Variants in SULF2 observed in about 807,000 individuals in gnomAD.
The protein encoded by SULF2 is sulfatase 2, also known as extracellular sulfatase Sulf-2.
SULF2 carries 52 observed loss-of-function variants against 107.7 expected under a neutral mutation model. The ratio of observed to expected loss-of-function variants is 0.48; its 90% CI spans 0.39 to 0.61. SULF2 has a LOEUF of 0.61. SULF2 is among the 20% of genes least tolerant of loss of function. The pLI, the probability that SULF2 is intolerant of heterozygous loss-of-function variation, is 0.00. For missense variants in SULF2, 993 were observed against 1,177.3 expected (o/e 0.84, Z 2.29); for synonymous variants, 460 against 464.3 (o/e 0.99, Z 0.12).
intron 2 of SULF2, among the ~76,000 whole-genome samples, chr20:47,747,721 C>T (rs1244402349): frequency 6.6e-6 from 1 of 151,970 alleles, no homozygotes; most frequent in Non-Finnish European, 1.5e-5. Flanking sequence ...CCTAATGTCC[C>T]CCCCTTCCCC....
At chr20:47,783,260 G>A (rs1408195806) in intron 1 of SULF2, among the ~76,000 whole-genome samples, 1 of 152,162 alleles carries the variant, frequency 6.6e-6, no homozygotes, top group Non-Finnish European at 1.5e-5. Flanking sequence ...TTTTCTGTAG[G>A]ACAGGGCTTC....
At chr20:47,685,706 G>A (rs1169854251) in intron 5 of SULF2, 1 of 151,926 alleles carries the variant, frequency 6.6e-6, no homozygotes, top group Admixed American at 6.6e-5. Flanking sequence ...GTAGAGATGG[G>A]GTTTTGCCAT....
At chr20:47,756,690 G>A (rs1440714008) in intron 2 of SULF2, among the ~76,000 whole-genome samples, 2 of 142,372 alleles carry the variant, frequency 1.4e-5, no homozygotes, top group African/African-American at 5.3e-5. Context: ...CTGTCACCCA[G>A]GCTGGAGTGT....
At chr20:47,784,663 G>A (rs1429378833) in intron 1 of SULF2, among the ~76,000 whole-genome samples, 2 of 152,192 alleles carry the variant, frequency 1.3e-5, no homozygotes, top group African/African-American at 2.4e-5. Flanking sequence ...CGGCACGAGG[G>A]GGTGCTCCAG....
Position 47,665,913 on chromosome 20 carries a change from C to G in SULF2, c.1846G>C (p.Asp616His), listed in dbSNP as rs775057270. The G allele has an allele frequency of 1.2e-6, 2 of 1,614,076 alleles. No individual in the cohort carries two copies. Among genetic ancestry groups the G allele is most frequent in the Non-Finnish European group, 1.7e-6 (2 of 1,180,026 alleles). ...LENDTVQCDL[D>H]LYKSLQAWKD... ...CAGGCCTGCAGGGACTTGTACAGGT[C>G]CAGGTCACACTGGACTGTGTCGTTC... The change falls in exon 13 of 21, where the codon GAC (aspartate) becomes CAC (histidine). Residue 616 changes from aspartate (D) to histidine (H), a missense_variant. Physicochemically the swap from Asp to His is moderately conservative, Grantham distance 81. Around this residue, in one of 3 missense-constraint regions of SULF2, gnomAD observed 497 missense variants for 544.1 expected, o/e 0.91. Transcript: ENST00000688720.
intron 2 of SULF2, among the ~76,000 whole-genome samples, chr20:47,749,480 G>A (rs2090116221): frequency 6.6e-6 from 1 of 152,236 alleles, no homozygotes; most frequent in South Asian, 2.1e-4. Context: ...GTGATCAGCG[G>A]CTAGAAGGCC....
chr20:47,753,115 AAAAAG>A (rs1347464895), intron 2 of SULF2, among the ~76,000 whole-genome samples: 13 of 148,642 alleles, frequency 8.7e-5, no homozygotes, highest in Non-Finnish European at 1.5e-4. Context: ...AAAAAAAAAA[AAAAAG>A]AAAGAAAAGA....
intron 2 of SULF2, among the ~76,000 whole-genome samples, chr20:47,745,689 C>T (rs1393531850): frequency 6.6e-5 from 10 of 151,506 alleles, no homozygotes; most frequent in East Asian, 3.9e-4. Flanking sequence ...CTATCATTCC[C>T]GGCTAATTTT....
At chr20:47,675,118 G>A (rs1466288216) in intron 10 of SULF2, among the ~76,000 whole-genome samples, 1 of 152,232 alleles carries the variant, frequency 6.6e-6, no homozygotes, top group East Asian at 1.9e-4. Context: ...GGTCAGGGGA[G>A]ACATCAGAAA....
chr20:47,729,272 G>C (rs1166611960), intron 3 of SULF2, among the ~76,000 whole-genome samples: 3 of 152,186 alleles, frequency 2.0e-5, no homozygotes, highest in Non-Finnish European at 2.9e-5. Context: ...TCAGAGAGAA[G>C]GGAAGGATCA....
chr20:47,776,319 T>C (rs1162960187), intron 1 of SULF2, among the ~76,000 whole-genome samples: 1 of 152,202 alleles, frequency 6.6e-6, no homozygotes, highest in East Asian at 1.9e-4. Context: ...CCTGGTTAGG[T>C]GGCCTGTGAT....
At chr20:47,755,284 T>C (rs1446351966) in intron 2 of SULF2, among the ~76,000 whole-genome samples, 1 of 152,234 alleles carries the variant, frequency 6.6e-6, no homozygotes, top group Non-Finnish European at 1.5e-5. Context: ...GTCTACTTCA[T>C]ACCTGCTATT....
At chr20:47,661,702 A>C in intron 18 of SULF2, 71 bp downstream of exon 18, 1 of 1,376,424 alleles carries the variant, frequency 7.3e-7, no homozygotes, top group Non-Finnish European at 9.6e-7. Context: ...CTTGGGGTAG[A>C]CACCACCTCC....
In SULF2 at chr20:47,769,619, G is replaced by T. The variant is rs935565340; in HGVS notation, c.-100-12156C>A. On this transcript the variant is annotated intron_variant, in intron 1 of 20. Transcript: ENST00000688720. ...CAGAGCCGAGGTGCTAATTCTTCCA[G>T]ATAGGCAGCCGAGATTTCCTGAGCA... Among the ~76,000 whole-genome samples, 6 of 152,150 alleles carry T rather than the reference G, an allele frequency of 3.9e-5. No homozygotes were observed. In the East Asian group the frequency reaches 7.7e-4, roughly 20 times the overall value.
At chr20:47,784,437 C>T (rs2090885622) in intron 1 of SULF2, among the ~76,000 whole-genome samples, 1 of 152,018 alleles carries the variant, frequency 6.6e-6, no homozygotes, top group South Asian at 2.1e-4. Flanking sequence ...GCAGGTCTGG[C>T]TTGCTCTTCC....
At chr20:47,698,162 G>A (rs1038598688) in intron 4 of SULF2, among the ~76,000 whole-genome samples, 2 of 152,224 alleles carry the variant, frequency 1.3e-5, no homozygotes, top group African/African-American at 2.4e-5. Flanking sequence ...CATGTGTGCC[G>A]GGGTTTCCAG....
rs759418119 is a variant in SULF2 at position 47,663,543 on chromosome 20, G to T, written c.2137C>A (p.Arg713Ser). 2.4e-5 allele frequency: 39 copies of T among 1,612,630 alleles called. No homozygotes were observed. Among genetic ancestry groups the T allele is most frequent in the Non-Finnish European group, 3.1e-5 (37 of 1,179,886 alleles). ...CTGCACGTGTCGTTGTTCTGCAGGC[G>T]CTTGAGCAGCTTGCGGAGTTTCTTC... ...RKKKLRKLLKRLQNNDTCSMP... is the reference protein window; with the variant it reads ...RKKKLRKLLKSLQNNDTCSMP... Residue 713 changes from arginine (R) to serine (S), a missense_variant, in exon 16 of 21, where the codon CGC (arginine) becomes AGC (serine). This residue lies in a region of SULF2 where 497 missense variants were observed against 544.1 expected (regional missense o/e 0.91). Transcript: ENST00000688720.
chr20:47,728,495 G>A (rs1239054818), intron 3 of SULF2, among the ~76,000 whole-genome samples: 4 of 152,050 alleles, frequency 2.6e-5, no homozygotes, highest in Admixed American at 2.0e-4. Flanking sequence ...AGAGATGGGG[G>A]TGGGCTGCTG....
intron 2 of SULF2, among the ~76,000 whole-genome samples, chr20:47,746,237 T>C (rs75690883): frequency 0.017 from 2,567 of 152,338 alleles, 34 homozygotes; most frequent in Admixed American, 0.02. Context: ...AACGCTCTAC[T>C]GGGGCCCAGA....
Sources: gnomAD v4.1 joint callset for allele counts (sites outside exome capture counted in the v4.1 genomes callset) on GRCh38, gnomAD v4.1.1 for gene constraint, gnomAD v4.1.1 regional missense constraint, MANE v1.5 for transcripts, NCBI Gene and HGNC (gene_info 2026-07-23, HGNC 2026-07-21) for gene names.